Variants in CPNE6 observed in about 807,000 individuals in gnomAD.
The protein encoded by CPNE6 is copine 6, also known as copine-6.
In CPNE6, 33 loss-of-function variants were observed where a neutral mutation model predicts 71.5. The ratio of observed to expected loss-of-function variants is 0.46; its 90% confidence interval spans 0.35 to 0.62. The LOEUF is 0.62. CPNE6 is among the 20% of genes least tolerant of loss of function. CPNE6 has a pLI of 0.00. For synonymous variants in CPNE6, 296 were observed against 293.0 expected, an observed-to-expected ratio of 1.01 and a Z score of -0.10; for missense variants, 576 against 747.3, an observed-to-expected ratio of 0.77 and a Z score of 2.67.
chr14:24,071,658 TCCCCAGCCCAG>T lies in CPNE6; in HGVS notation c.-5+32_-5+42del, dbSNP rs1238199625. On this transcript the variant is annotated intron_variant, in intron 2 of 17. Transcript: ENST00000397016. ...AGAGCCCAGGTGAGCCCACCCTTCC[TCCCCAGCCCAG>T]CCCCAGCCCAGCCCAGCTTGGCCCA... The T allele has an allele frequency of 3.6e-6, 3 of 827,070 alleles. No individual in the cohort carries two copies. The highest frequency in any genetic ancestry group is 1.7e-5 in the African/African-American group (1 of 57,510). The allele number at this position is 827,070 out of a possible 1,614,324, so 51.2% of individuals were successfully genotyped here.
Position 24,074,526 on chromosome 14 carries a change from T to C in CPNE6, c.499-5T>C, listed in dbSNP as rs2035999214. The C allele has an allele frequency of 3.7e-6, 6 of 1,613,970 alleles. No individual in the cohort carries two copies. In the East Asian group the frequency reaches 1.3e-4, roughly 36 times the overall value. On this transcript the variant is annotated splice_region_variant and splice_polypyrimidine_tract_variant and intron_variant, in intron 6 of 17. Transcript: ENST00000397016. The surrounding 1 kb of genome is among the most constrained non-coding windows in gnomAD (Gnocchi z 4.5). Reference sequence around the variant, plus strand: ...CCTCAAGGGCCCTTTCTCCTGTATCTTCAGGATCTGTTCAGCAAGTCTGAC... The same window carrying C: ...CCTCAAGGGCCCTTTCTCCTGTATCCTCAGGATCTGTTCAGCAAGTCTGAC...
Position 24,073,552 on chromosome 14 carries a change from G to A in CPNE6, c.222G>A (p.Val74=). The change falls in exon 4 of 18, where the codon GTG becomes GTA. Residue 74 remains valine, a synonymous_variant. Coordinates refer to ENST00000397016, the Ensembl canonical transcript of CPNE6. This position sits in a 1 kb window ranked among gnomAD's most constrained non-coding sequence, Gnocchi z 5.5. ...GTTCCAGCCCTGTCTTCTCCCGGGT[G>A]CTGGCCCTTGAGTATTTTTTTGAGG... 1 of 1,614,010 alleles carries A rather than the reference G, an allele frequency of 6.2e-7. No individual in the cohort carries two copies. The highest frequency in any genetic ancestry group is 1.3e-5 in the African/African-American group (1 of 75,056).
At chr14:24,072,698 C>T in intron 2 of CPNE6, 1 of 399,116 alleles carries the variant, frequency 2.5e-6, no homozygotes, top group Non-Finnish European at 4.4e-6. Flanking sequence ...TCTCCAGCCC[C>T]ATCCACGCAT....
chr14:24,071,169 G>A (rs1021462054), intron 1 of CPNE6: 3 of 1,058,040 alleles, frequency 2.8e-6, no homozygotes, highest in Non-Finnish European at 2.7e-6. Flanking sequence ...GCCGGGGGCT[G>A]TAACTGTCGT....
chr14:24,071,510 C>CCCCCCCCCCCCA, intron 1 of CPNE6, 52 bp from the exon 1 acceptor site: 5 of 1,487,840 alleles, frequency 3.4e-6, no homozygotes, highest in Non-Finnish European at 4.5e-6. Flanking sequence ...CGCCCCCCCC[C>CCCCCCCCCCCCA]ACCCCTCCCC....
At chr14:24,076,002 G>T in intron 11 of CPNE6, 116 bp downstream of exon 10, 1 of 1,501,918 alleles carries the variant, frequency 6.7e-7, no homozygotes, top group South Asian at 1.2e-5. Flanking sequence ...CCTTCGCATT[G>T]TCAGCTTATG....
chr14:24,075,021 G>A lies in CPNE6; in HGVS notation c.673-151G>A, dbSNP rs1263691653. 7 of 731,638 alleles carry A rather than the reference G, an allele frequency of 9.6e-6. No individual in the cohort carries two copies. The highest frequency in any genetic ancestry group is 2.6e-4 in the Middle Eastern group (1 of 3,842). The allele number at this position is 731,638 out of a possible 1,614,324, so 45.3% of individuals were successfully genotyped here. ...TGAGCCAAAGAACAAAGTTCAGCAG[G>A]TGGCCTCTCCGGGCAGGCTGAGGAT... On this transcript the variant is annotated intron_variant, in intron 8 of 17. Coordinates refer to ENST00000397016, the Ensembl canonical transcript of CPNE6. The surrounding 1 kb of genome is among the most constrained non-coding windows in gnomAD (Gnocchi z 4.3).
In CPNE6 at chr14:24,077,908, G is replaced by A; in HGVS notation, c.*58G>A. 1 of 589,064 alleles carries A rather than the reference G, an allele frequency of 1.7e-6. No individual in the cohort carries two copies. The highest frequency in any genetic ancestry group is 2.7e-6 in the Non-Finnish European group (1 of 372,250). The allele number at this position is 589,064 out of a possible 1,614,324, so 36.5% of individuals were successfully genotyped here. On this transcript the variant is annotated 3_prime_UTR_variant, in exon 18 of 18. Transcript: ENST00000397016. The surrounding 1 kb of genome is among the most constrained non-coding windows in gnomAD (Gnocchi z 6.1). Reference sequence around the variant, plus strand: ...CCCAGGTGCCTGTCCTGACCCTCGTGACTCCAGTGACCAATGCCTCCACCT... The same window carrying A: ...CCCAGGTGCCTGTCCTGACCCTCGTAACTCCAGTGACCAATGCCTCCACCT...
chr14:24,073,132 C>G lies in CPNE6; in HGVS notation c.168+28C>G. On this transcript the variant is annotated intron_variant, in intron 3 of 17. Coordinates refer to ENST00000397016, the Ensembl canonical transcript of CPNE6. The surrounding 1 kb of genome is among the most constrained non-coding windows in gnomAD (Gnocchi z 5.5). Reference sequence around the variant, plus strand: ...GAGAGCAGCTCAGGTTTCTCCTTAACTAACCTGGGTTAAGCTTGGGAAAGA... The same window carrying G: ...GAGAGCAGCTCAGGTTTCTCCTTAAGTAACCTGGGTTAAGCTTGGGAAAGA... The G allele has an allele frequency of 7.0e-7, 1 of 1,434,272 alleles. No homozygotes were observed. The highest frequency in any genetic ancestry group is 9.1e-7 in the Non-Finnish European group (1 of 1,094,138). The allele number at this position is 1,434,272 out of a possible 1,614,324, so 88.8% of individuals were successfully genotyped here.
chr14:24,073,906 C>T lies in CPNE6; in HGVS notation c.349-145C>T. 2.3e-6 allele frequency: 2 copies of T among 853,090 alleles called. No homozygotes were observed. The highest frequency in any genetic ancestry group is 3.8e-6 in the Non-Finnish European group (2 of 523,402). 52.8% of individuals were successfully genotyped at this position (853,090 alleles called of 1,614,324 possible). A position where few individuals can be genotyped will look rare whatever the true frequency, so the allele number is the denominator to read the frequency against. Reference sequence around the variant, plus strand: ...TGGTCAGAGTGCTTCCCTCTTCAGACTATTGTAAAAATTGAGCCCAACCCT... The same window carrying T: ...TGGTCAGAGTGCTTCCCTCTTCAGATTATTGTAAAAATTGAGCCCAACCCT... On this transcript the variant is annotated intron_variant, in intron 4 of 17. Coordinates refer to ENST00000397016, the Ensembl canonical transcript of CPNE6. The surrounding 1 kb of genome is among the most constrained non-coding windows in gnomAD (Gnocchi z 5.5).
At chr14:24,076,391 G>T in exon 13 of CPNE6, 1 of 1,614,184 alleles carries the variant, frequency 6.2e-7, no homozygotes, top group Non-Finnish European at 8.5e-7. Flanking sequence ...TGGCTTTGGG[G>T]CTCGAATCCC....
intron 14 of CPNE6, 152 bp downstream of exon 13, chr14:24,076,709 A>T (rs1041860377): frequency 7.0e-7 from 1 of 1,433,260 alleles, no homozygotes; most frequent in Non-Finnish European, 9.7e-7. Flanking sequence ...GAGGCCCAGC[A>T]TCTGCACCCA....
rs775276479 is a variant in CPNE6 at position 24,073,923 on chromosome 14, C to A, written c.349-128C>A. On this transcript the variant is annotated intron_variant, in intron 4 of 17. Coordinates refer to ENST00000397016, the Ensembl canonical transcript of CPNE6. This position sits in a 1 kb window ranked among gnomAD's most constrained non-coding sequence, Gnocchi z 5.5. The stretch of plus-strand genomic sequence containing the variant: ...TCTTCAGACTATTGTAAAAATTGAG[C>A]CCAACCCTAGCCCAACTCAAAGTGC... 1.7e-5 allele frequency: 16 copies of A among 955,748 alleles called. No homozygotes were observed. In the Middle Eastern group the frequency reaches 7.8e-4, roughly 47 times the overall value. The allele number at this position is 955,748 out of a possible 1,614,324, so 59.2% of individuals were successfully genotyped here. A position where few individuals can be genotyped will look rare whatever the true frequency, so the allele number is the denominator to read the frequency against.
In CPNE6 at chr14:24,074,474, C is replaced by T. The variant is rs536650641; in HGVS notation, c.499-57C>T. The T allele has an allele frequency of 1.9e-6, 3 of 1,582,844 alleles. No homozygotes were observed. The highest frequency in any genetic ancestry group is 3.3e-5 in the Admixed American group (2 of 59,864). ...GCTCTCTTCCCAGTGGGAGCCCATC[C>T]CCCACCCTCCTTGCAGCTCTCACCA... is the stretch of plus-strand genomic sequence containing the variant. On this transcript the variant is annotated intron_variant, in intron 6 of 17. Coordinates refer to ENST00000397016, the Ensembl canonical transcript of CPNE6. This position sits in a 1 kb window ranked among gnomAD's most constrained non-coding sequence, Gnocchi z 4.5.
At chr14:24,072,687 C>A in intron 2 of CPNE6, 1 of 381,466 alleles carries the variant, frequency 2.6e-6, no homozygotes. Flanking sequence ...TCCTTCAGCC[C>A]TCTCCAGCCC....
chr14:24,074,445 G>C lies in CPNE6; in HGVS notation c.498+80G>C. The C allele has an allele frequency of 6.3e-7, 1 of 1,581,706 alleles. No homozygotes were observed. The highest frequency in any genetic ancestry group is 8.7e-7 in the Non-Finnish European group (1 of 1,155,146). On this transcript the variant is annotated intron_variant, in intron 6 of 17. Transcript: ENST00000397016. This position sits in a 1 kb window ranked among gnomAD's most constrained non-coding sequence, Gnocchi z 4.5. ...CTCAAGACAGATCCCAGGAGCCCAG[G>C]CCTGCTCTCTTCCCAGTGGGAGCCC...
rs746448620 is a variant in CPNE6, at chr14:24,075,699, C to G, written c.864+108C>G. 2.9e-6 allele frequency: 4 copies of G among 1,358,896 alleles called. No homozygotes were observed. The highest frequency in any genetic ancestry group is 3.8e-5 in the Admixed American group (2 of 52,072). The allele number at this position is 1,358,896 out of a possible 1,614,324, so 84.2% of individuals were successfully genotyped here. ...AGACCAGTTTCTCTGCTTCTGGGAACTGGAAACCACCCCCAACTGCAACCC... is the reference window on the plus strand; with the variant it reads ...AGACCAGTTTCTCTGCTTCTGGGAAGTGGAAACCACCCCCAACTGCAACCC... On this transcript the variant is annotated intron_variant, in intron 10 of 17. Coordinates refer to ENST00000397016, the Ensembl canonical transcript of CPNE6. This position sits in a 1 kb window ranked among gnomAD's most constrained non-coding sequence, Gnocchi z 4.3.
chr14:24,074,316 C>A lies in CPNE6; in HGVS notation c.449C>A (p.Thr150Lys), dbSNP rs753504440. 2.5e-6 allele frequency: 4 copies of A among 1,572,992 alleles called. No individual in the cohort carries two copies. The highest frequency in any genetic ancestry group is 1.3e-5 in the African/African-American group (1 of 74,108). The change falls in exon 6 of 18, where the codon ACA becomes AAA. Residue 150 changes from threonine to lysine, a missense_variant. This residue lies in a region of CPNE6 where 214 missense variants were observed against 291.2 expected (regional missense o/e 0.73). Transcript: ENST00000397016. The surrounding 1 kb of genome is among the most constrained non-coding windows in gnomAD (Gnocchi z 4.5). ...ATCGTGGCCGAGGAGGTATCAGGCA[C>A]AAACGACTATGTGCAACTCACCTTC... is the stretch of plus-strand genomic sequence containing the variant.
chr14:24,071,501 G>GCCCCCCCCCCCCCCCCCCCCCCCC, intron 1 of CPNE6, 61 bp from the exon 1 acceptor site: 1 of 1,416,704 alleles, frequency 7.1e-7, no homozygotes, highest in Non-Finnish European at 9.3e-7. Context: ...CTGGTGCTGC[G>GCCCCCCCCCCCCCCCCCCCCCCCC]CCCCCCCCCA....
Sources: allele counts gnomAD v4.1 joint callset, GRCh38; gene constraint gnomAD v4.1.1; regional missense constraint gnomAD v4.1.1; non-coding constraint Gnocchi (gnomAD v3.1); transcripts MANE v1.5; gene names NCBI Gene and HGNC (gene_info 2026-07-23, HGNC 2026-07-21).